CFAP54: variants seen among roughly 807,000 people sequenced by gnomAD.
The protein encoded by CFAP54 is cilia- and flagella-associated protein 54.
Under a neutral mutation model 370.4 loss-of-function variants are expected in CFAP54, and 290 were observed. That is an observed-to-expected ratio of 0.78 (90% CI 0.71 to 0.86). The LOEUF (loss-of-function observed/expected upper bound fraction) is 0.86. Ranked by LOEUF, CFAP54 falls within the 40% of genes least tolerant of loss-of-function variation. The pLI, the probability that CFAP54 is intolerant of heterozygous loss-of-function variation, is 0.00. For missense variants in CFAP54, 3,399 were observed against 3,528.7 expected (o/e 0.96, Z 0.93); for synonymous variants, 1,206 against 1,236.5 (o/e 0.98, Z 0.52).
At chr12:96,620,461 C>T (rs189381624) in intron 26 of CFAP54, among the ~76,000 whole-genome samples, 22 of 152,330 alleles carry the variant, frequency 1.4e-4, no homozygotes, top group Non-Finnish European at 2.4e-4. Context: ...GACTTTGCCC[C>T]TCATTCACCT....
At position 96,685,037 on chromosome 12, in the gene CFAP54, T is replaced by G; in HGVS notation, c.5813T>G (p.Phe1938Cys). 6.2e-7 allele frequency: 1 copy of G among 1,613,950 alleles called. No individual in the cohort carries two copies. The highest frequency in any genetic ancestry group is 8.5e-7 in the Non-Finnish European group (1 of 1,179,950). Residue 1938 changes from phenylalanine to cysteine, a missense_variant, in exon 42 of 68, where the codon TTT becomes TGT. Physicochemically the swap from Phe to Cys is radical, Grantham distance 205 (BLOSUM62 -2). This residue lies in a region of CFAP54 where 2,796 missense variants were observed against 2,869.7 expected (regional missense o/e 0.97). Coordinates refer to ENST00000524981, the MANE Select transcript of CFAP54 (RefSeq NM_001306084.2). The stretch of plus-strand genomic sequence containing the variant: ...CTTTGTCTCTGTTTTAGGGCTGCTT[T>G]TAAGTGTTGGTGTCAAGCTCTTGAT... The part of the protein sequence containing the change: ...LIFAEKKRAA[F>C]KCWCQALDDI...
chr12:96,753,696 C>T, intron 55 of CFAP54, 47 bp from the exon 56 acceptor site: 3 of 1,579,528 alleles, frequency 1.9e-6, no homozygotes, highest in Non-Finnish European at 2.6e-6. Flanking sequence ...TTGTTATAAA[C>T]ACCGTGTATT....
At chr12:96,771,459 T>C (rs577203430) in intron 60 of CFAP54, among the ~76,000 whole-genome samples, 9 of 152,320 alleles carry the variant, frequency 5.9e-5, no homozygotes, top group South Asian at 2.1e-4. Flanking sequence ...GAGACCATCC[T>C]GGCTAACACG....
chr12:96,718,331 C>G (rs1957708577), intron 48 of CFAP54, 112 bp from the exon 49 acceptor site: 9 of 629,612 alleles, frequency 1.4e-5, no homozygotes, highest in Non-Finnish European at 2.6e-5. Context: ...TGTGCTCCAG[C>G]CTGGGTGACA....
At chr12:96,801,859 G>C (rs145555002) in intron 63 of CFAP54, among the ~76,000 whole-genome samples, 23 of 152,270 alleles carry the variant, frequency 1.5e-4, no homozygotes, top group African/African-American at 5.5e-4. Context: ...GGCTGAGTTT[G>C]GGCTGACATG....
chr12:96,532,108 C>T (rs1183278088), intron 9 of CFAP54, among the ~76,000 whole-genome samples: 6 of 152,168 alleles, frequency 3.9e-5, no homozygotes, highest in African/African-American at 1.4e-4. Context: ...TTCTAATATC[C>T]TCTTTTATTT....
intron 64 of CFAP54, among the ~76,000 whole-genome samples, chr12:96,812,464 C>T: frequency 6.6e-6 from 1 of 152,142 alleles, no homozygotes; most frequent in East Asian, 1.9e-4. Flanking sequence ...GTTGTTTTTT[C>T]ATTTATTACT....
intron 62 of CFAP54, 117 bp from the exon 63 acceptor site, chr12:96,792,212 C>A: frequency 1.2e-6 from 1 of 839,066 alleles, no homozygotes; most frequent in Non-Finnish European, 1.7e-6. Flanking sequence ...TAAGATTTAC[C>A]TCCATAAAAC....
At chr12:96,680,059 G>A (rs547736068) in intron 40 of CFAP54, among the ~76,000 whole-genome samples, 1 of 152,222 alleles carries the variant, frequency 6.6e-6, no homozygotes, top group East Asian at 1.9e-4. Context: ...TTTAGGTGTG[G>A]CACTATGGTC....
intron 38 of CFAP54, among the ~76,000 whole-genome samples, chr12:96,661,120 A>T (rs1457185206): frequency 6.6e-6 from 1 of 151,916 alleles, no homozygotes; most frequent in Non-Finnish European, 1.5e-5. Flanking sequence ...TGATTAAATC[A>T]TTGGCCATTG....
intron 32 of CFAP54, 120 bp from the exon 33 acceptor site, chr12:96,644,058 C>T (rs994439329): frequency 1.9e-5 from 13 of 692,378 alleles, no homozygotes; most frequent in Non-Finnish European, 3.1e-5. Context: ...AAGCCAGAAA[C>T]ATTAGCATAA....
At chr12:96,585,557 GGT>G in intron 22 of CFAP54, among the ~76,000 whole-genome samples, 1 of 151,952 alleles carries the variant, frequency 6.6e-6, no homozygotes, top group South Asian at 2.1e-4. Context: ...CCTGACCTCA[GGT>G]GATCTGCCCA....
chr12:96,796,699 T>G (rs12227033), intron 63 of CFAP54, among the ~76,000 whole-genome samples: 50,714 of 152,020 alleles, frequency 0.33, 8,741 homozygotes, highest in South Asian at 0.54. Context: ...GAGTCAATTT[T>G]AAGTTGCTGT....
chr12:96,518,647 T>C (rs1017989304), intron 5 of CFAP54, among the ~76,000 whole-genome samples: 1 of 152,148 alleles, frequency 6.6e-6, no homozygotes, highest in African/African-American at 2.4e-5. Flanking sequence ...GATTGTGCCA[T>C]TGCACTCCAG....
intron 65 of CFAP54, among the ~76,000 whole-genome samples, chr12:96,826,837 C>CATATAATATTATATAATATATT (rs1466162681): frequency 9.3e-6 from 1 of 107,494 alleles, no homozygotes; most frequent in Non-Finnish European, 1.7e-5. Flanking sequence ...TATAATATAT[C>CATATAATATTATATAATATATT]ATATAATATT....
chr12:96,490,020 C>T (rs1014493319), intron 1 of CFAP54, 94 bp downstream of exon 1: 3 of 1,238,124 alleles, frequency 2.4e-6, no homozygotes, highest in African/African-American at 3.0e-5. Context: ...AGAGATGGTT[C>T]AGCGTTGCGG....
intron 39 of CFAP54, among the ~76,000 whole-genome samples, chr12:96,677,183 A>T (rs2160973): frequency 0.48 from 72,054 of 150,602 alleles, 17,444 homozygotes; most frequent in East Asian, 0.62. Flanking sequence ...ATTTTATTTT[A>T]TTTTTTTTGT....
In CFAP54 at chr12:96,796,397, A is replaced by G. The variant is rs548990906; in HGVS notation, c.8850+3898A>G. Among the ~76,000 whole-genome samples, 15 of 152,256 alleles carry G rather than the reference A, an allele frequency of 9.9e-5. No individual in the cohort carries two copies. In the South Asian group the frequency reaches 2.7e-3, roughly 27 times the overall value. ...ATTGATAAATATATTGTGTTTTACT[A>G]TTTTCTGGAGAAGTTTGTGTAAATT... is the stretch of plus-strand genomic sequence containing the variant. On this transcript the variant is annotated intron_variant, in intron 63 of 67. Coordinates refer to ENST00000524981, the MANE Select transcript of CFAP54 (RefSeq NM_001306084.2).
chr12:96,676,912 C>A (rs1276391059), intron 39 of CFAP54, among the ~76,000 whole-genome samples: 1 of 152,238 alleles, frequency 6.6e-6, no homozygotes, highest in Non-Finnish European at 1.5e-5. Flanking sequence ...TAACCGTCTG[C>A]GAGCCAGGGA....
Sources: allele counts gnomAD v4.1 joint callset (sites outside exome capture counted in the v4.1 genomes callset), GRCh38; gene constraint gnomAD v4.1.1; regional missense constraint gnomAD v4.1.1; transcripts MANE v1.5; gene names NCBI Gene and HGNC (gene_info 2026-07-23, HGNC 2026-07-21).